Variants in SCMH1 observed in about 807,000 individuals in gnomAD.
SCMH1 encodes Scm polycomb group protein homolog 1.
SCMH1 carries 37 observed loss-of-function variants against 70.8 expected under a neutral mutation model. The observed-to-expected ratio is 0.52, with a 90% confidence interval of 0.40 to 0.69. The LOEUF is 0.69. Ranked by LOEUF, SCMH1 falls within the 30% of genes least tolerant of loss-of-function variation. The pLI is 0.00. For missense variants in SCMH1, 607 were observed against 827.3 expected (o/e 0.73, Z 3.27); for synonymous variants, 292 against 307.4 (o/e 0.95, Z 0.52).
intron 13 of SCMH1, among the ~76,000 whole-genome samples, chr1:41,035,113 C>T (rs1465527002): frequency 1.3e-5 from 2 of 152,160 alleles, no homozygotes; most frequent in East Asian, 1.9e-4. Context: ...TCTCTTGGGA[C>T]GTATGTCCAC....
At chr1:41,099,467 C>T (rs1666000991) in intron 8 of SCMH1, among the ~76,000 whole-genome samples, 1 of 152,182 alleles carries the variant, frequency 6.6e-6, no homozygotes, top group Non-Finnish European at 1.5e-5. Flanking sequence ...CATTAATTTA[C>T]CCCATATTCA....
At chr1:41,196,801 G>T (rs951878207) in intron 1 of SCMH1, among the ~76,000 whole-genome samples, 1 of 152,102 alleles carries the variant, frequency 6.6e-6, no homozygotes, top group African/African-American at 2.4e-5. Flanking sequence ...AATCATGTTT[G>T]TAGTCTGTCG....
At chr1:41,237,890 A>T (rs1179951016) in intron 1 of SCMH1, among the ~76,000 whole-genome samples, 1 of 152,222 alleles carries the variant, frequency 6.6e-6, no homozygotes, top group Non-Finnish European at 1.5e-5. Flanking sequence ...TAAAAGGTTC[A>T]TTTCAGCTAG....
At chr1:41,167,924 T>C (rs1216247334) in intron 2 of SCMH1, among the ~76,000 whole-genome samples, 1 of 151,360 alleles carries the variant, frequency 6.6e-6, no homozygotes, top group Non-Finnish European at 1.5e-5. Context: ...TTTTTTTTTT[T>C]TTTTCCTTTC....
chr1:41,175,109 C>A (rs1455972741), intron 2 of SCMH1, among the ~76,000 whole-genome samples: 3 of 152,188 alleles, frequency 2.0e-5, no homozygotes, highest in African/African-American at 7.2e-5. Flanking sequence ...AACATTATTT[C>A]TGAGTGTATC....
intron 13 of SCMH1, among the ~76,000 whole-genome samples, chr1:41,033,490 A>G (rs2148529311): frequency 6.6e-6 from 1 of 152,168 alleles, no homozygotes; most frequent in Admixed American, 6.5e-5. Flanking sequence ...GAGGGGTGAA[A>G]AGAGAGAGGA....
At chr1:41,117,159 C>A (rs148839315) in intron 6 of SCMH1, 149 bp from the exon 7 acceptor site, 39,056 of 448,686 alleles carry the variant, frequency 0.087, 2,040 homozygotes, top group Middle Eastern at 0.13. Flanking sequence ...AATAGTTATA[C>A]TAGATATAGA....
intron 1 of SCMH1, among the ~76,000 whole-genome samples, chr1:41,233,072 T>C (rs544560344): frequency 6.6e-6 from 1 of 152,188 alleles, no homozygotes; most frequent in Non-Finnish European, 1.5e-5. Flanking sequence ...AATGACCTAA[T>C]AGTTACAGAA....
intron 6 of SCMH1, among the ~76,000 whole-genome samples, chr1:41,123,279 C>T (rs1672391033): frequency 6.6e-6 from 1 of 152,076 alleles, no homozygotes; most frequent in African/African-American, 2.4e-5. Flanking sequence ...TAGTCCATGC[C>T]CTCTGGTGGC....
chr1:41,177,828 C>T (rs1366648073), intron 2 of SCMH1, among the ~76,000 whole-genome samples: 1 of 152,152 alleles, frequency 6.6e-6, no homozygotes, highest in Admixed American at 6.5e-5. Context: ...GGATATTATC[C>T]AGGAGAACTT....
intron 10 of SCMH1, among the ~76,000 whole-genome samples, chr1:41,066,495 T>C (rs1654634443): frequency 6.6e-6 from 1 of 152,206 alleles, no homozygotes; most frequent in Non-Finnish European, 1.5e-5. Flanking sequence ...TTATCAGAAG[T>C]ATGATTGTCT....
At chr1:41,229,517 A>G (rs1386851781) in intron 1 of SCMH1, among the ~76,000 whole-genome samples, 1 of 152,008 alleles carries the variant, frequency 6.6e-6, no homozygotes, top group Non-Finnish European at 1.5e-5. Context: ...GCATGTTCTC[A>G]CTCACAGGTG....
chr1:41,237,586 T>C (rs1025815625), intron 1 of SCMH1, among the ~76,000 whole-genome samples: 3 of 152,180 alleles, frequency 2.0e-5, no homozygotes, highest in Admixed American at 1.3e-4. Context: ...CCAGCCCATC[T>C]CTCTAGCCAT....
intron 8 of SCMH1, among the ~76,000 whole-genome samples, chr1:41,107,259 T>A (rs1472491453): frequency 1.3e-5 from 2 of 151,928 alleles, no homozygotes; most frequent in African/African-American, 4.9e-5. Context: ...CAATCTAGGT[T>A]GGGGTCCCTC....
intron 2 of SCMH1, among the ~76,000 whole-genome samples, chr1:41,179,734 C>A (rs1399515285): frequency 6.6e-6 from 1 of 152,066 alleles, no homozygotes; most frequent in Non-Finnish European, 1.5e-5. Flanking sequence ...AGCTTACCAA[C>A]GAAAAAAAGT....
intron 12 of SCMH1, chr1:41,043,647 A>G (rs1646527856): frequency 6.9e-6 from 1 of 145,670 alleles, no homozygotes; most frequent in Admixed American, 7.0e-5. Flanking sequence ...GTTAGCCAGG[A>G]TAGTCTTGAT....
intron 6 of SCMH1, 76 bp downstream of exon 6, chr1:41,142,802 C>T (rs528126026): frequency 1.6e-6 from 2 of 1,277,002 alleles, no homozygotes; most frequent in African/African-American, 2.9e-5. Flanking sequence ...CCTAGGCTTT[C>T]CCATAATAGG....
intron 4 of SCMH1, among the ~76,000 whole-genome samples, chr1:41,156,136 C>A (rs1036661472): frequency 1.3e-5 from 2 of 152,158 alleles, no homozygotes; most frequent in African/African-American, 4.8e-5. Flanking sequence ...CAGCCAACAT[C>A]TGCCTTCTAA....
rs192933251 is a variant in SCMH1, at chr1:41,138,815, T to C, written c.412+4063A>G. Among the ~76,000 whole-genome samples, 18 of 152,316 alleles carry C rather than the reference T, an allele frequency of 1.2e-4. No individual in the cohort carries two copies. In the East Asian group the frequency reaches 3.5e-3, roughly 29 times the overall value. On this transcript the variant is annotated intron_variant, in intron 6 of 14. Coordinates refer to ENST00000337495, the Ensembl canonical transcript of SCMH1. ...TGGTTTTGGAAGCATTTTCAGTAGT[T>C]GAAATGGTTTTATCCTCATCTTATG...
Sources: allele counts gnomAD v4.1 joint callset (sites outside exome capture counted in the v4.1 genomes callset), GRCh38; gene constraint gnomAD v4.1.1; transcripts MANE v1.5; gene names NCBI Gene and HGNC (gene_info 2026-07-23, HGNC 2026-07-21).